Variants in PPP2R2B observed in about 807,000 individuals in gnomAD.
PPP2R2B encodes the protein protein phosphatase 2 regulatory subunit Bbeta, also known as serine/threonine-protein phosphatase 2A 55 kDa regulatory subunit B beta isoform.
A neutral mutation model predicts 46.0 loss-of-function variants in PPP2R2B; 5 were observed. The observed-to-expected ratio is 0.11, with a 90% CI of 0.06 to 0.23. The LOEUF is 0.23. Among genes scored for constraint, PPP2R2B ranks in the 10% least tolerant of loss-of-function variants. PPP2R2B has a pLI of 1.00. For missense variants in PPP2R2B, 367 were observed against 575.0 expected, an observed-to-expected ratio of 0.64 and a Z score of 3.70; for synonymous variants, 215 against 206.7, an observed-to-expected ratio of 1.04 and a Z score of -0.34.
At chr5:146,781,557 A>G (rs1755532490) in intron 2 of PPP2R2B, among the ~76,000 whole-genome samples, 1 of 151,900 alleles carries the variant, frequency 6.6e-6, no homozygotes, top group Non-Finnish European at 1.5e-5. Flanking sequence ...GCTTCATATA[A>G]TACTCAGGCA....
intron 2 of PPP2R2B, among the ~76,000 whole-genome samples, chr5:146,823,307 C>T (rs1758382262): frequency 6.6e-6 from 1 of 152,146 alleles, no homozygotes. Flanking sequence ...ACTCCATTCT[C>T]CTGCCTCAGC....
At chr5:146,883,145 C>A (rs1389368846), upstream of PPP2R2B, among the ~76,000 whole-genome samples, 10 of 152,188 alleles carry the variant, frequency 6.6e-5, no homozygotes, top group Admixed American at 6.5e-4. Context: ...TGGTTTGTGT[C>A]CCAGCTCAGG....
At chr5:146,971,587 G>A (rs1324432900) in intron 1 of PPP2R2B, among the ~76,000 whole-genome samples, 1 of 152,152 alleles carries the variant, frequency 6.6e-6, no homozygotes, top group South Asian at 2.1e-4. Flanking sequence ...ACATACAGCA[G>A]TATACCTATT....
At chr5:146,856,938 G>T (rs983529975) in intron 2 of PPP2R2B, among the ~76,000 whole-genome samples, 5 of 152,154 alleles carry the variant, frequency 3.3e-5, no homozygotes, top group African/African-American at 1.2e-4. Context: ...TTGAGGGGGT[G>T]GAGCCTGGAA....
At chr5:147,066,521 G>T (rs1313877944) in intron 2 of PPP2R2B, among the ~76,000 whole-genome samples, 2 of 152,162 alleles carry the variant, frequency 1.3e-5, no homozygotes, top group African/African-American at 4.8e-5. Flanking sequence ...TCACTATGGT[G>T]TCATGCAGCC....
chr5:146,871,433 A>AGAAAGCT (rs1469133874), intron 2 of PPP2R2B, among the ~76,000 whole-genome samples: 1 of 152,236 alleles, frequency 6.6e-6, no homozygotes, highest in African/African-American at 2.4e-5. Context: ...AGTGACATGG[A>AGAAAGCT]GAAAGCTATT....
intron 6 of PPP2R2B, among the ~76,000 whole-genome samples, chr5:146,642,316 G>A (rs1176893450): frequency 6.6e-6 from 1 of 152,210 alleles, no homozygotes; most frequent in Non-Finnish European, 1.5e-5. Context: ...AGCCACAAAT[G>A]GTTCATCAGT....
chr5:146,903,391 C>CTTTT (rs58777308), intron 1 of PPP2R2B, among the ~76,000 whole-genome samples: 1 of 120,848 alleles, frequency 8.3e-6, no homozygotes, highest in East Asian at 2.5e-4. Context: ...CTTTCTTTCT[C>CTTTT]TTTTTTTTTT....
Position 146,667,332 on chromosome 5 carries a change from GCA to G in PPP2R2B, c.448-16610_448-16609del, listed in dbSNP as rs144297178. Reference sequence around the variant, plus strand: ...AGACAGCAGGAATAGGCGTGCGCGCGCACACACACACACACACACACACACAC... The same window carrying G: ...AGACAGCAGGAATAGGCGTGCGCGCGCACACACACACACACACACACACAC... On this transcript the variant is annotated intron_variant, in intron 5 of 9. Coordinates refer to ENST00000394411, the MANE Select transcript of PPP2R2B (RefSeq NM_181675.4). Among the ~76,000 whole-genome samples the G allele has an allele frequency of 8.9e-3, 284 of 32,050 alleles. 1 individual carries two copies. Among genetic ancestry groups the G allele is most frequent in the African/African-American group, 0.024 (258 of 10,798 alleles). 21.0% of individuals were successfully genotyped at this position (32,050 alleles called of 152,430 possible).
At chr5:146,854,385 A>T (rs901392720) in intron 2 of PPP2R2B, among the ~76,000 whole-genome samples, 5 of 152,116 alleles carry the variant, frequency 3.3e-5, no homozygotes, top group African/African-American at 1.2e-4. Flanking sequence ...TATTCGGGTT[A>T]TTTATCACCT....
At chr5:147,009,514 T>C (rs1185962769) in intron 1 of PPP2R2B, among the ~76,000 whole-genome samples, 1 of 152,078 alleles carries the variant, frequency 6.6e-6, no homozygotes, top group Non-Finnish European at 1.5e-5. Context: ...TATACAGTTT[T>C]AAAAATAATA....
chr5:146,847,997 C>T (rs563664629), intron 2 of PPP2R2B, among the ~76,000 whole-genome samples: 32 of 152,264 alleles, frequency 2.1e-4, no homozygotes, highest in African/African-American at 7.2e-4. Context: ...CCCAAAGTCA[C>T]CATATCAGGA....
chr5:146,734,323 C>G (rs557572617), intron 2 of PPP2R2B, among the ~76,000 whole-genome samples: 4 of 152,250 alleles, frequency 2.6e-5, no homozygotes, highest in African/African-American at 9.6e-5. Flanking sequence ...TCCCAATCTG[C>G]TGGGATTACA....
intron 2 of PPP2R2B, among the ~76,000 whole-genome samples, chr5:146,868,957 G>A (rs980855929): frequency 2.6e-5 from 4 of 152,138 alleles, no homozygotes; most frequent in African/African-American, 9.7e-5. Flanking sequence ...TTTAAAGGGG[G>A]ATAAGAACAG....
At chr5:146,927,954 C>T (rs1280013426) in intron 1 of PPP2R2B, among the ~76,000 whole-genome samples, 1 of 152,060 alleles carries the variant, frequency 6.6e-6, no homozygotes, top group African/African-American at 2.4e-5. Context: ...GTTGGCCAGG[C>T]TGGTCTCCAA....
intron 2 of PPP2R2B, among the ~76,000 whole-genome samples, chr5:146,796,849 T>G (rs1756570383): frequency 6.6e-6 from 1 of 152,204 alleles, no homozygotes; most frequent in Admixed American, 6.5e-5. Context: ...CATCACCTTG[T>G]GATTATTGCT....
chr5:146,905,929 C>A (rs993468391), intron 1 of PPP2R2B, among the ~76,000 whole-genome samples: 8 of 151,630 alleles, frequency 5.3e-5, no homozygotes, highest in African/African-American at 1.9e-4. Context: ...AGCTCCCAAG[C>A]CACATGTAGC....
intron 1 of PPP2R2B, among the ~76,000 whole-genome samples, chr5:147,033,522 T>C (rs1182472477): frequency 6.6e-6 from 1 of 152,216 alleles, no homozygotes; most frequent in Non-Finnish European, 1.5e-5. Context: ...AAGATACTCA[T>C]AGCTAGATTG....
intron 1 of PPP2R2B, among the ~76,000 whole-genome samples, chr5:147,045,331 A>C (rs1756495692): frequency 6.6e-6 from 1 of 152,130 alleles, no homozygotes; most frequent in South Asian, 2.1e-4. Flanking sequence ...CTATGTTTAG[A>C]TATGTTTAAG....
Sources: allele counts gnomAD v4.1 joint callset (sites outside exome capture counted in the v4.1 genomes callset), GRCh38; gene constraint gnomAD v4.1.1; transcripts MANE v1.5; gene names NCBI Gene and HGNC (gene_info 2026-07-23, HGNC 2026-07-21).